The following EFCAB6 variants were observed in gnomAD, a reference collection of about 807,000 sequenced individuals.
EFCAB6 encodes EF-hand calcium-binding domain-containing protein 6.
Under a neutral mutation model 169.8 loss-of-function variants are expected in EFCAB6, and 156 were observed. The observed-to-expected ratio is 0.92, with a 90% CI of 0.81 to 1.05. The LOEUF is 1.05. Among genes scored for constraint, EFCAB6 ranks in the 50% least tolerant of loss-of-function variants. The pLI is 0.00. For missense variants in EFCAB6, 1,800 were observed against 1,829.1 expected, an observed-to-expected ratio of 0.98 and a Z score of 0.29; for synonymous variants, 698 against 676.4, an observed-to-expected ratio of 1.03 and a Z score of -0.50.
intron 17 of EFCAB6, among the ~76,000 whole-genome samples, chr22:43,642,552 T>C (rs1011137019): frequency 1.3e-5 from 2 of 152,046 alleles, no homozygotes; most frequent in Non-Finnish European, 2.9e-5. Flanking sequence ...GATCTGAGAG[T>C]TCCAGTCATC....
At chr22:43,624,127 A>T (rs2054323699) in intron 20 of EFCAB6, among the ~76,000 whole-genome samples, 1 of 151,968 alleles carries the variant, frequency 6.6e-6, no homozygotes, top group Admixed American at 6.6e-5. Flanking sequence ...CATCTGTGAA[A>T]CCAGCTGGGA....
chr22:43,540,693 T>C (rs1293187224), intron 27 of EFCAB6: 3 of 720,654 alleles, frequency 4.2e-6, no homozygotes, highest in South Asian at 3.7e-5. Context: ...TGGGAGAAAA[T>C]GCAAATCAGA....
intron 23 of EFCAB6, among the ~76,000 whole-genome samples, chr22:43,591,119 T>G (rs9614442): frequency 0.31 from 42,004 of 134,882 alleles, 6,499 homozygotes; most frequent in East Asian, 0.63. Context: ...TTGTTTTTTT[T>G]TTTTGTTTTT....
chr22:43,737,656 T>G (rs13053686), intron 6 of EFCAB6, among the ~76,000 whole-genome samples: 2 of 124,740 alleles, frequency 1.6e-5, no homozygotes, highest in East Asian at 2.6e-4. Flanking sequence ...CACACCATCA[T>G]TCACACACAC....
At chr22:43,575,032 C>T (rs147298228) in intron 26 of EFCAB6, among the ~76,000 whole-genome samples, 21 of 152,210 alleles carry the variant, frequency 1.4e-4, no homozygotes, top group African/African-American at 5.1e-4. Flanking sequence ...TGTGTGCACA[C>T]AAGGAGACAA....
chr22:43,603,392 G>A (rs2052671311), intron 22 of EFCAB6, among the ~76,000 whole-genome samples: 1 of 152,202 alleles, frequency 6.6e-6, no homozygotes, highest in Non-Finnish European at 1.5e-5. Flanking sequence ...AAATGGTTCA[G>A]CAATAGATGT....
At chr22:43,534,605 A>G in intron 30 of EFCAB6, 83 bp downstream of exon 30, 1 of 1,319,412 alleles carries the variant, frequency 7.6e-7, no homozygotes, top group Non-Finnish European at 1.0e-6. Flanking sequence ...TGGGCAATAG[A>G]GTAAGACCCT....
chr22:43,647,069 CA>C (rs1339851143), intron 17 of EFCAB6, among the ~76,000 whole-genome samples: 3 of 151,944 alleles, frequency 2.0e-5, no homozygotes, highest in East Asian at 1.9e-4. Flanking sequence ...CACGTGGGGA[CA>C]GGGGTATACG....
intron 10 of EFCAB6, among the ~76,000 whole-genome samples, chr22:43,708,826 T>C (rs2059052979): frequency 6.6e-6 from 1 of 152,164 alleles, no homozygotes; most frequent in African/African-American, 2.4e-5. Flanking sequence ...AGGAGAATTG[T>C]ATATAATACA....
intron 9 of EFCAB6, among the ~76,000 whole-genome samples, chr22:43,714,632 T>A (rs899123597): frequency 1.3e-5 from 2 of 151,314 alleles, no homozygotes; most frequent in African/African-American, 4.9e-5. Context: ...CAACATCCAA[T>A]GCTAGAAGAC....
In EFCAB6 at chr22:43,567,614, T is replaced by C. The variant is rs2049532770; in HGVS notation, c.3420+8683A>G. Among the ~76,000 whole-genome samples, 3 of 152,090 alleles carry C rather than the reference T, an allele frequency of 2.0e-5. No individual in the cohort carries two copies. In the South Asian group the frequency reaches 6.2e-4, roughly 32 times the overall value. Reference sequence around the variant, plus strand: ...TTGCTCAGGAAGGGAGCGGGGAGCATGGACCTTGGAACTGGCTGGCATTCG... The same window carrying C: ...TTGCTCAGGAAGGGAGCGGGGAGCACGGACCTTGGAACTGGCTGGCATTCG... On this transcript the variant is annotated intron_variant, in intron 26 of 31. Coordinates refer to ENST00000262726, the MANE Select transcript of EFCAB6 (RefSeq NM_022785.4).
At chr22:43,719,952 C>T (rs537098139) in intron 8 of EFCAB6, among the ~76,000 whole-genome samples, 110 of 152,096 alleles carry the variant, frequency 7.2e-4, no homozygotes, top group South Asian at 1.5e-3. Context: ...AGGTATAAAA[C>T]GTTGTATTAT....
At chr22:43,625,967 A>G (rs1333525340) in intron 20 of EFCAB6, among the ~76,000 whole-genome samples, 1 of 152,210 alleles carries the variant, frequency 6.6e-6, no homozygotes, top group Non-Finnish European at 1.5e-5. Flanking sequence ...CAGGTCTCCC[A>G]AGCTTCAATT....
At chr22:43,533,791 A>G (rs554819647) in intron 30 of EFCAB6, among the ~76,000 whole-genome samples, 86 of 152,258 alleles carry the variant, frequency 5.6e-4, no homozygotes, top group African/African-American at 2.0e-3. Context: ...TCACATGCGT[A>G]TAGAGATCAT....
At position 43,795,129 on chromosome 22, in the gene EFCAB6, G is replaced by GA. The variant is rs533156906; in HGVS notation, c.-7-12805dup. Among the ~76,000 whole-genome samples the GA allele has an allele frequency of 2.0e-4, 30 of 152,136 alleles. No individual in the cohort carries two copies. The East Asian group carries it at 4.6e-3, about 24-fold the overall frequency. On this transcript the variant is annotated intron_variant, in intron 2 of 31. Transcript: ENST00000262726. The surrounding 1 kb of genome is among the most constrained non-coding windows in gnomAD (Gnocchi z 4.2). Reference sequence around the variant, plus strand: ...ACCCCCACAAACCTAGAAATCAAATGAAAAACAACAAACTGCGGAAAGTGA... The same window carrying GA: ...ACCCCCACAAACCTAGAAATCAAATGAAAAAACAACAAACTGCGGAAAGTGA...
intron 27 of EFCAB6, among the ~76,000 whole-genome samples, chr22:43,547,744 A>C (rs1468191409): frequency 2.7e-5 from 4 of 148,268 alleles, no homozygotes; most frequent in Non-Finnish European, 4.5e-5. Context: ...AAGCCTGGGG[A>C]AAAAAAGAAA....
intron 30 of EFCAB6, among the ~76,000 whole-genome samples, chr22:43,531,315 A>G (rs1428987953): frequency 3.9e-5 from 6 of 152,192 alleles, no homozygotes; most frequent in Non-Finnish European, 8.8e-5. Flanking sequence ...AACACACTTC[A>G]GGCCACACCA....
chr22:43,611,609 A>T (rs116052817), intron 21 of EFCAB6, among the ~76,000 whole-genome samples: 27 of 152,158 alleles, frequency 1.8e-4, no homozygotes, highest in Admixed American at 4.6e-4. Context: ...CAAGTCTGGG[A>T]AACATGGCGA....
At position 43,795,612 on chromosome 22, in the gene EFCAB6, A is replaced by G. The variant is rs148116356; in HGVS notation, c.-7-13287T>C. Reference sequence around the variant, plus strand: ...TTGCAGAGTCTCTCACACAGCCTGCACTTCTCCGGCACTGTACATACCCCA... The same window carrying G: ...TTGCAGAGTCTCTCACACAGCCTGCGCTTCTCCGGCACTGTACATACCCCA... On this transcript the variant is annotated intron_variant, in intron 2 of 31. Transcript: ENST00000262726. The surrounding 1 kb of genome is among the most constrained non-coding windows in gnomAD (Gnocchi z 4.2). Among the ~76,000 whole-genome samples, 1 of 152,006 alleles carries G rather than the reference A, an allele frequency of 6.6e-6. No homozygotes were observed. The highest frequency in any genetic ancestry group is 1.5e-5 in the Non-Finnish European group (1 of 68,012).
Sources: allele counts gnomAD v4.1 joint callset (sites outside exome capture counted in the v4.1 genomes callset), GRCh38; gene constraint gnomAD v4.1.1; non-coding constraint Gnocchi (gnomAD v3.1); transcripts MANE v1.5; gene names NCBI Gene and HGNC (gene_info 2026-07-23, HGNC 2026-07-21).